The following GPC6 variants were observed in gnomAD, a reference collection of about 807,000 sequenced individuals.
GPC6 encodes glypican 6.
Under a neutral mutation model 55.2 loss-of-function variants are expected in GPC6, and 14 were observed. The observed-to-expected ratio is 0.25, with a 90% CI of 0.17 to 0.40. GPC6 has a LOEUF of 0.40. GPC6 is among the 10% of genes least tolerant of loss of function. The pLI, the probability that GPC6 is intolerant of heterozygous loss-of-function variation, is 1.00. For synonymous variants in GPC6, 278 were observed against 259.6 expected (o/e 1.07, Z -0.68); for missense variants, 641 against 708.5 (o/e 0.90, Z 1.08).
At chr13:93,376,970 T>C (rs1874927862) in intron 1 of GPC6, among the ~76,000 whole-genome samples, 1 of 152,304 alleles carries the variant, frequency 6.6e-6, no homozygotes, top group East Asian at 1.9e-4. Context: ...TGTACTTGAT[T>C]TTTGTCCTTT....
intron 2 of GPC6, among the ~76,000 whole-genome samples, chr13:93,713,713 T>TA (rs5805820): frequency 0.49 from 74,201 of 151,238 alleles, 19,868 homozygotes; most frequent in Middle Eastern, 0.74. Flanking sequence ...TGCCCATTTG[T>TA]AAAAAAAATG....
At chr13:93,748,107 G>A (rs902511552) in intron 2 of GPC6, among the ~76,000 whole-genome samples, 8 of 152,128 alleles carry the variant, frequency 5.3e-5, no homozygotes, top group African/African-American at 9.7e-5. Context: ...TGCTTTAATC[G>A]AATGTAGTGC....
intron 2 of GPC6, among the ~76,000 whole-genome samples, chr13:93,564,963 C>T (rs557140869): frequency 7.4e-4 from 113 of 152,154 alleles, no homozygotes; most frequent in Non-Finnish European, 1.3e-3. Flanking sequence ...TTTTCTTAAC[C>T]TGAAACCTTA....
At chr13:93,561,406 T>G (rs567805324) in intron 2 of GPC6, among the ~76,000 whole-genome samples, 86 of 60,524 alleles carry the variant, frequency 1.4e-3, no homozygotes, top group African/African-American at 4.2e-3. Flanking sequence ...TCCCTATCGA[T>G]ATATATATAT....
chr13:93,965,988 C>A (rs1222571054), intron 3 of GPC6, among the ~76,000 whole-genome samples: 1 of 152,182 alleles, frequency 6.6e-6, no homozygotes. Context: ...AGCCCAATAT[C>A]TCCTGCCATG....
chr13:93,502,926 A>T (rs1175578846), intron 1 of GPC6, among the ~76,000 whole-genome samples: 3 of 152,184 alleles, frequency 2.0e-5, no homozygotes, highest in Non-Finnish European at 4.4e-5. Context: ...AAGCATAGGT[A>T]ATAATAAAAT....
intron 2 of GPC6, among the ~76,000 whole-genome samples, chr13:93,711,672 A>G (rs780560992): frequency 9.2e-5 from 14 of 151,658 alleles, no homozygotes; most frequent in Non-Finnish European, 1.8e-4. Flanking sequence ...CCACCAGATT[A>G]AGTCAAACCA....
chr13:93,341,123 T>C (rs773166794), intron 1 of GPC6, among the ~76,000 whole-genome samples: 12 of 152,222 alleles, frequency 7.9e-5, no homozygotes, highest in Non-Finnish European at 1.8e-4. Flanking sequence ...CCATGGTGTA[T>C]ATATAGCACA....
intron 6 of GPC6, among the ~76,000 whole-genome samples, chr13:94,336,003 C>T (rs1367140920): frequency 6.6e-6 from 1 of 151,638 alleles, no homozygotes; most frequent in Non-Finnish European, 1.5e-5. Context: ...GGACAGAAGC[C>T]CAGGAAGTAT....
chr13:94,395,229 AAC>A (rs1880846235), intron 7 of GPC6, among the ~76,000 whole-genome samples: 1 of 152,214 alleles, frequency 6.6e-6, no homozygotes, highest in Non-Finnish European at 1.5e-5. Flanking sequence ...ACATCAGGAA[AAC>A]AGTCTCAGGA....
rs371672808 is a variant in GPC6 at position 93,745,321 on chromosome 13, C to T, written c.320-84833C>T. ...TCCCATGCCTTTTCACCATTTCCTT[C>T]TTCTGCCTGGAATGACTCCTTTTTT... On this transcript the variant is annotated intron_variant, in intron 2 of 8. Transcript: ENST00000377047. 3.0e-4 allele frequency among the ~76,000 whole-genome samples: 46 copies of T among 152,182 alleles called. No individual in the cohort carries two copies. The South Asian group carries it at 9.6e-3, about 32-fold the overall frequency.
intron 1 of GPC6, among the ~76,000 whole-genome samples, chr13:93,409,330 A>G (rs180912610): frequency 1.4e-3 from 218 of 152,154 alleles, no homozygotes; most frequent in African/African-American, 5.1e-3. Flanking sequence ...ACTATAAACA[A>G]GAGTTCTTGA....
chr13:94,166,791 T>C (rs956011327), intron 4 of GPC6, among the ~76,000 whole-genome samples: 5 of 152,196 alleles, frequency 3.3e-5, no homozygotes, highest in Non-Finnish European at 7.4e-5. Flanking sequence ...TAATAAATAT[T>C]TGAAACCTGA....
intron 6 of GPC6, among the ~76,000 whole-genome samples, chr13:94,341,585 CAA>C (rs34492618): frequency 3.1e-4 from 25 of 79,546 alleles, no homozygotes; most frequent in African/African-American, 3.8e-4. Context: ...AACTCCGTCT[CAA>C]AAAAAAAAAA....
chr13:93,436,786 G>T (rs1056433686), intron 1 of GPC6, among the ~76,000 whole-genome samples: 1 of 152,068 alleles, frequency 6.6e-6, no homozygotes, highest in Non-Finnish European at 1.5e-5. Context: ...AGAATAGACA[G>T]GGAGACTTAC....
chr13:93,562,410 C>G (rs1875861215), intron 2 of GPC6, among the ~76,000 whole-genome samples: 1 of 152,082 alleles, frequency 6.6e-6, no homozygotes, highest in South Asian at 2.1e-4. Flanking sequence ...AGGATACTAT[C>G]ATGAGAAAAG....
At chr13:93,576,954 T>C (rs570659025) in intron 2 of GPC6, among the ~76,000 whole-genome samples, 1 of 152,308 alleles carries the variant, frequency 6.6e-6, no homozygotes, top group South Asian at 2.1e-4. Flanking sequence ...AAATGCACTT[T>C]AACTCCGTGT....
chr13:93,618,447 C>T (rs571899563), intron 2 of GPC6, among the ~76,000 whole-genome samples: 1 of 152,176 alleles, frequency 6.6e-6, no homozygotes, highest in Admixed American at 6.5e-5. Flanking sequence ...ATCACCTCCA[C>T]ATTTGTACAG....
intron 1 of GPC6, among the ~76,000 whole-genome samples, chr13:93,344,864 C>T (rs2139155898): frequency 6.6e-6 from 1 of 152,204 alleles, no homozygotes; most frequent in South Asian, 2.1e-4. Context: ...ATCACAAAAG[C>T]CTATTTTCTA....
Sources: gnomAD v4.1 joint callset for allele counts (sites outside exome capture counted in the v4.1 genomes callset) on GRCh38, gnomAD v4.1.1 for gene constraint, MANE v1.5 for transcripts, NCBI Gene and HGNC (gene_info 2026-07-23, HGNC 2026-07-21) for gene names.